The following RNF212B variants were observed in gnomAD, a reference collection of about 807,000 sequenced individuals.
RNF212B encodes ring finger protein 212B, also known as E3 ubiquitin-protein ligase RNF212B.
Under a neutral mutation model 55.5 loss-of-function variants are expected in RNF212B, and 52 were observed. That is an observed-to-expected ratio of 0.94 (90% confidence interval 0.75 to 1.18). RNF212B has a LOEUF of 1.18. Among genes scored for constraint, RNF212B ranks in the 50% most tolerant of loss-of-function variants. RNF212B has a pLI of 0.00. For synonymous variants in RNF212B, 99 were observed against 121.4 expected, an observed-to-expected ratio of 0.82 and a Z score of 1.21; for missense variants, 289 against 350.4, an observed-to-expected ratio of 0.82 and a Z score of 1.40.
intron 4 of RNF212B, among the ~76,000 whole-genome samples, chr14:23,257,927 C>G (rs1330590603): frequency 3.3e-5 from 5 of 152,104 alleles, no homozygotes; most frequent in Admixed American, 3.3e-4. Context: ...TAATAGTTGA[C>G]AAGTTAGAAC....
chr14:23,263,092 T>G (rs1594947511), intron 9 of RNF212B, 122 bp downstream of exon 9: 2 of 555,686 alleles, frequency 3.6e-6, no homozygotes, highest in Non-Finnish European at 5.5e-6. Flanking sequence ...AAAGCTAGGG[T>G]TTTTTTTTTT....
intron 4 of RNF212B, among the ~76,000 whole-genome samples, chr14:23,258,126 G>T (rs566014451): frequency 9.4e-4 from 143 of 152,138 alleles, no homozygotes; most frequent in Non-Finnish European, 1.9e-3. Context: ...ATCACCTGAG[G>T]TCGGAAGTTC....
chr14:23,188,463 T>G (rs1594850849), intron 1 of RNF212B: 1 of 150,560 alleles, frequency 6.6e-6, no homozygotes, highest in Non-Finnish European at 1.5e-5. Context: ...GATTAGGGTT[T>G]TTTTTTTTTT....
At chr14:23,210,437 T>C (rs573038845) in intron 2 of RNF212B, among the ~76,000 whole-genome samples, 1 of 152,284 alleles carries the variant, frequency 6.6e-6, no homozygotes, top group African/African-American at 2.4e-5. Context: ...TTTAGTTAAT[T>C]ATAATGTGCC....
intron 2 of RNF212B, among the ~76,000 whole-genome samples, chr14:23,221,337 G>A (rs1223006397): frequency 1.3e-5 from 2 of 151,572 alleles, no homozygotes; most frequent in East Asian, 3.9e-4. Flanking sequence ...AAAAGAGCAA[G>A]AATAGCTATA....
chr14:23,191,107 G>A (rs966533161), intron 1 of RNF212B, among the ~76,000 whole-genome samples: 7 of 152,064 alleles, frequency 4.6e-5, no homozygotes, highest in East Asian at 1.9e-4. Flanking sequence ...TAATCCCAGC[G>A]CTTTGGGAGG....
intron 4 of RNF212B, among the ~76,000 whole-genome samples, chr14:23,252,072 C>A (rs983620973): frequency 1.3e-5 from 2 of 151,088 alleles, no homozygotes; most frequent in East Asian, 1.9e-4. Flanking sequence ...CCCCTTTTCC[C>A]TCTCTGATTG....
At position 23,200,951 on chromosome 14, in the gene RNF212B, C is replaced by T. The variant is rs111643346; in HGVS notation, c.-2+7550C>T. Among the ~76,000 whole-genome samples, 506 of 152,278 alleles carry T rather than the reference C, an allele frequency of 3.3e-3. 4 individuals are homozygous for T. Among genetic ancestry groups the T allele is most frequent in the African/African-American group, 0.011 (472 of 41,568 alleles). ...GAAGCTCACAAATAGTTTTCAAATT[C>T]TGGAGAAAATCAATTACAGAGAAAC... On this transcript the variant is annotated intron_variant, in intron 2 of 15. Coordinates refer to the RNF212B transcript ENST00000399910.
At chr14:23,204,115 G>A (rs867737887) in intron 2 of RNF212B, among the ~76,000 whole-genome samples, 5 of 152,086 alleles carry the variant, frequency 3.3e-5, no homozygotes, top group Non-Finnish European at 7.4e-5. Flanking sequence ...TGTAGATTCC[G>A]GATATTAGTC....
intron 2 of RNF212B, among the ~76,000 whole-genome samples, chr14:23,210,253 C>G (rs1880350325): frequency 6.6e-6 from 1 of 152,132 alleles, no homozygotes; most frequent in Non-Finnish European, 1.5e-5. Context: ...AACACATGAC[C>G]CATTTTCCTT....
chr14:23,262,830 A>G, intron 8 of RNF212B, 98 bp from the exon 9 acceptor site: 4 of 1,453,306 alleles, frequency 2.8e-6, no homozygotes, highest in Non-Finnish European at 3.8e-6. Flanking sequence ...TAATATGAAA[A>G]CATTATATAA....
chr14:23,208,757 G>GTTTTA (rs1880116217), intron 2 of RNF212B, among the ~76,000 whole-genome samples: 1 of 98,110 alleles, frequency 1.0e-5, no homozygotes, highest in African/African-American at 4.6e-5. Context: ...GCTGGTTGCC[G>GTTTTA]TTTTTTTTTT....
At chr14:23,242,737 G>A (rs1396325838) in intron 2 of RNF212B, among the ~76,000 whole-genome samples, 1 of 152,080 alleles carries the variant, frequency 6.6e-6, no homozygotes, top group African/African-American at 2.4e-5. Flanking sequence ...CTTTGCGGGG[G>A]CCAAGGTGGG....
At position 23,269,920 on chromosome 14, in the gene RNF212B, G is replaced by A; in HGVS notation, c.732G>A (p.Gly244=). 1.3e-6 allele frequency: 2 copies of A among 1,549,560 alleles called. No individual in the cohort carries two copies. The highest frequency in any genetic ancestry group is 8.7e-7 in the Non-Finnish European group (1 of 1,146,192). The change falls in exon 13 of 15, where the codon GGG becomes GGA. Residue 244 remains glycine, a synonymous_variant. Transcript: ENST00000430154. ...GIFSFRPSPN[G]HSGHTRVLTP... is the part of the protein sequence containing the mutation. ...TTTCTTTCAGACCATCCCCAAATGG[G>A]CATTCAGGCCACACAAGAGTCCTCA...
chr14:23,258,481 T>C (rs1454753786), intron 4 of RNF212B, 68 bp from the exon 5 acceptor site: 2 of 707,084 alleles, frequency 2.8e-6, no homozygotes, highest in Non-Finnish European at 2.3e-6. Flanking sequence ...ATGGCTTCCC[T>C]TTCTTGCCAG....
chr14:23,253,387 A>G (rs1263341573), intron 4 of RNF212B, among the ~76,000 whole-genome samples: 1 of 152,180 alleles, frequency 6.6e-6, no homozygotes, highest in Non-Finnish European at 1.5e-5. Context: ...ATTATTGAAG[A>G]AAATGGTCTT....
At chr14:23,229,260 A>ATATATATATATATATG (rs1882339683) in intron 2 of RNF212B, among the ~76,000 whole-genome samples, 1 of 126,490 alleles carries the variant, frequency 7.9e-6, no homozygotes, top group Non-Finnish European at 1.7e-5. Context: ...ATATATATAT[A>ATATATATATATATATG]TACCACATTG....
intron 2 of RNF212B, among the ~76,000 whole-genome samples, chr14:23,226,529 G>A (rs1334078021): frequency 2.0e-5 from 3 of 151,920 alleles, no homozygotes; most frequent in African/African-American, 4.8e-5. Flanking sequence ...TGCTGGGGAG[G>A]CTGAGGCAGG....
At chr14:23,235,413 T>A (rs1883029340), upstream of RNF212B, among the ~76,000 whole-genome samples, 1 of 152,162 alleles carries the variant, frequency 6.6e-6, no homozygotes, top group African/African-American at 2.4e-5. Context: ...CCTGAGCTAA[T>A]CACTTTTTTC....
Sources: allele counts gnomAD v4.1 joint callset (sites outside exome capture counted in the v4.1 genomes callset), GRCh38; gene constraint gnomAD v4.1.1; transcripts MANE v1.5; gene names NCBI Gene and HGNC (gene_info 2026-07-23, HGNC 2026-07-21).